Variants in SAMD12 observed in about 807,000 individuals in gnomAD.
SAMD12 encodes the protein sterile alpha motif domain containing 12.
In SAMD12, 9 loss-of-function variants were observed where a neutral mutation model predicts 15.0. That is an observed-to-expected ratio of 0.60 (90% CI 0.36 to 1.05). The LOEUF (loss-of-function observed/expected upper bound fraction) is 1.05, where lower values mean the gene tolerates loss of function less well. Ranked by LOEUF, SAMD12 falls within the 50% of genes least tolerant of loss-of-function variation. SAMD12 has a pLI of 0.01. For synonymous variants in SAMD12, 86 were observed against 90.1 expected, an observed-to-expected ratio of 0.96 and a Z score of 0.25; for missense variants, 230 against 234.2, an observed-to-expected ratio of 0.98 and a Z score of 0.12.
chr8:118,471,141 T>A (rs570505117), intron 2 of SAMD12, among the ~76,000 whole-genome samples: 92 of 152,330 alleles, frequency 6.0e-4, no homozygotes, highest in Non-Finnish European at 1.2e-3. Flanking sequence ...ACCAATGGTG[T>A]TTTACAGTGC....
intron 2 of SAMD12, among the ~76,000 whole-genome samples, chr8:118,550,043 T>A (rs1048604402): frequency 1.3e-4 from 20 of 152,138 alleles, no homozygotes; most frequent in African/African-American, 4.8e-4. Flanking sequence ...AGACCAAATC[T>A]ACGACTGATT....
chr8:118,397,561 G>T (rs1820645998), intron 3 of SAMD12, among the ~76,000 whole-genome samples: 1 of 152,104 alleles, frequency 6.6e-6, no homozygotes, highest in African/African-American at 2.4e-5. Flanking sequence ...TTCTCCTAGG[G>T]TAGATATCTT....
intron 4 of SAMD12, chr8:118,291,134 T>G (rs1197689293): frequency 6.6e-6 from 1 of 152,246 alleles, no homozygotes; most frequent in African/African-American, 2.4e-5. Flanking sequence ...TGACAGTGTT[T>G]CACTGTGTTT....
intron 2 of SAMD12, among the ~76,000 whole-genome samples, chr8:118,541,529 C>A (rs1825986135): frequency 6.6e-6 from 1 of 152,126 alleles, no homozygotes; most frequent in South Asian, 2.1e-4. Context: ...GCCACTGTAG[C>A]ATGAAAATAA....
At chr8:118,412,629 G>A (rs1405560176) in intron 3 of SAMD12, among the ~76,000 whole-genome samples, 1 of 152,116 alleles carries the variant, frequency 6.6e-6, no homozygotes, top group African/African-American at 2.4e-5. Flanking sequence ...AAAAGGCCAT[G>A]CAGTTCCTGT....
intron 4 of SAMD12, among the ~76,000 whole-genome samples, chr8:118,360,589 T>C (rs1205869355): frequency 1.3e-5 from 2 of 151,734 alleles, no homozygotes; most frequent in Middle Eastern, 6.4e-3. Flanking sequence ...GTTGAAAGTA[T>C]GCTTTTTATA....
At chr8:118,479,961 T>C (rs1824078022) in intron 2 of SAMD12, among the ~76,000 whole-genome samples, 1 of 152,128 alleles carries the variant, frequency 6.6e-6, no homozygotes, top group African/African-American at 2.4e-5. Context: ...ATAAACAGAA[T>C]ACCAGAATCA....
chr8:118,461,335 T>C (rs1311394026), intron 2 of SAMD12, among the ~76,000 whole-genome samples: 2 of 152,244 alleles, frequency 1.3e-5, no homozygotes, highest in African/African-American at 4.8e-5. Flanking sequence ...TAACAAAGGT[T>C]CAGATAGCCA....
intron 4 of SAMD12, among the ~76,000 whole-genome samples, chr8:118,294,142 T>G (rs1814576800): frequency 6.6e-6 from 1 of 152,182 alleles, no homozygotes; most frequent in Admixed American, 6.5e-5. Flanking sequence ...CAATGAGGCA[T>G]GAGCTGACAT....
chr8:118,514,849 T>A (rs1376645835), intron 2 of SAMD12, among the ~76,000 whole-genome samples: 1 of 152,216 alleles, frequency 6.6e-6, no homozygotes, highest in Non-Finnish European at 1.5e-5. Flanking sequence ...GCTGACATGC[T>A]TTGGATTTGT....
intron 4 of SAMD12, among the ~76,000 whole-genome samples, chr8:118,342,911 G>A (rs73325617): frequency 0.011 from 1,697 of 152,302 alleles, 26 homozygotes; most frequent in African/African-American, 0.039. Flanking sequence ...AGTTGGTGGT[G>A]GAGGTGGTAG....
At chr8:118,139,049 A>ATG in the SAMD12 span, among the ~76,000 whole-genome samples, 1 of 152,194 alleles carries the variant, frequency 6.6e-6, no homozygotes, top group Non-Finnish European at 1.5e-5. Flanking sequence ...TTTCTGGCCC[A>ATG]TGTGATACAA....
chr8:118,163,783 G>C, the SAMD12 span, among the ~76,000 whole-genome samples: 2 of 152,086 alleles, frequency 1.3e-5, no homozygotes, highest in Non-Finnish European at 2.9e-5. Flanking sequence ...GCTGAGGCGG[G>C]AGAATGGAGT....
chr8:118,142,961 C>T, the SAMD12 span, among the ~76,000 whole-genome samples: 2 of 152,156 alleles, frequency 1.3e-5, no homozygotes, highest in Non-Finnish European at 2.9e-5. Flanking sequence ...CCACAGGCAC[C>T]GGCCAGGGCC....
intron 2 of SAMD12, among the ~76,000 whole-genome samples, chr8:118,475,613 T>C (rs571931278): frequency 6.6e-6 from 1 of 152,316 alleles, no homozygotes; most frequent in South Asian, 2.1e-4. Context: ...ATCCAAGCAG[T>C]CTAGCTCCAG....
chr8:118,413,593 T>C (rs933479091), intron 3 of SAMD12, among the ~76,000 whole-genome samples: 2 of 152,172 alleles, frequency 1.3e-5, no homozygotes, highest in Non-Finnish European at 2.9e-5. Context: ...GACAATTAAC[T>C]GTAGATTGCT....
At chr8:118,376,047 G>A (rs1380650384), downstream of SAMD12, among the ~76,000 whole-genome samples, 1 of 152,058 alleles carries the variant, frequency 6.6e-6, no homozygotes, top group Non-Finnish European at 1.5e-5. Context: ...GTACACCAAT[G>A]CCTGGGTGTA....
intron 4 of SAMD12, among the ~76,000 whole-genome samples, chr8:118,219,135 C>T (rs1028412267): frequency 6.6e-6 from 1 of 152,160 alleles, no homozygotes; most frequent in Admixed American, 6.5e-5. Flanking sequence ...TCTTTTTTTA[C>T]GTTTGCCTGA....
chr8:118,431,768 A>C (rs1000950096), intron 3 of SAMD12, among the ~76,000 whole-genome samples: 1 of 151,258 alleles, frequency 6.6e-6, no homozygotes, highest in Non-Finnish European at 1.5e-5. Flanking sequence ...TGTTGGTGTT[A>C]TCTGAACTTC....
Sources: allele counts gnomAD v4.1 joint callset (sites outside exome capture counted in the v4.1 genomes callset), GRCh38; gene constraint gnomAD v4.1.1; transcripts MANE v1.5; gene names NCBI Gene and HGNC (gene_info 2026-07-23, HGNC 2026-07-21).